The following RCL1 variants were observed in gnomAD, a reference collection of about 807,000 sequenced individuals.
RCL1 encodes RNA 3'-terminal phosphate cyclase-like protein.
RCL1 carries 24 observed loss-of-function variants against 42.4 expected under a neutral mutation model. That is an observed-to-expected ratio of 0.57 (90% CI 0.41 to 0.80). The LOEUF (loss-of-function observed/expected upper bound fraction) is 0.80. Ranked by LOEUF, RCL1 falls within the 30% of genes least tolerant of loss-of-function variation. The probability of loss-of-function intolerance (pLI) is 0.00; values close to 1 mark genes in which losing one functional copy is unlikely to be tolerated. For missense variants in RCL1, 578 were observed against 467.9 expected (o/e 1.24, Z -2.17); for synonymous variants, 228 against 177.3 (o/e 1.29, Z -2.27).
intron 7 of RCL1, among the ~76,000 whole-genome samples, chr9:4,847,006 C>G (rs547977200): frequency 8.8e-4 from 134 of 151,878 alleles, no homozygotes; most frequent in Non-Finnish European, 7.4e-5. Context: ...CTGCCTTAGC[C>G]TCCCATGTAG....
At chr9:4,851,883 C>CTTTTTTT (rs1374859963) in intron 8 of RCL1, among the ~76,000 whole-genome samples, 2 of 29,720 alleles carry the variant, frequency 6.7e-5, no homozygotes, top group African/African-American at 1.4e-4. Context: ...ATGTGTGAAA[C>CTTTTTTT]TCTTTTTTTT....
intron 1 of RCL1, among the ~76,000 whole-genome samples, chr9:4,807,481 AT>A (rs1816016800): frequency 6.6e-6 from 1 of 151,914 alleles, no homozygotes; most frequent in Non-Finnish European, 1.5e-5. Context: ...CGTAATTTTT[AT>A]TTTCTTTGAA....
intron 1 of RCL1, among the ~76,000 whole-genome samples, chr9:4,808,726 A>C (rs1816066925): frequency 6.6e-6 from 1 of 152,226 alleles, no homozygotes; most frequent in Non-Finnish European, 1.5e-5. Flanking sequence ...GAAAGGCAGT[A>C]AAAGCAGCAT....
At chr9:4,808,317 A>T (rs1398698234) in intron 1 of RCL1, among the ~76,000 whole-genome samples, 5 of 150,966 alleles carry the variant, frequency 3.3e-5, no homozygotes, top group Non-Finnish European at 7.4e-5. Flanking sequence ...ATTTTTTATT[A>T]TTTTTTTTAA....
intron 1 of RCL1, among the ~76,000 whole-genome samples, chr9:4,797,057 G>T (rs889661110): frequency 6.6e-6 from 1 of 152,030 alleles, no homozygotes; most frequent in Admixed American, 6.6e-5. Flanking sequence ...AAGAGCTTGG[G>T]GTCAGTATTG....
intron 1 of RCL1, among the ~76,000 whole-genome samples, chr9:4,807,659 A>T (rs1391410022): frequency 7.2e-5 from 11 of 152,220 alleles, no homozygotes; most frequent in Admixed American, 2.0e-4. Flanking sequence ...AGCTGGGATT[A>T]CAGGCATGCA....
intron 3 of RCL1, among the ~76,000 whole-genome samples, chr9:4,829,883 G>C (rs755328144): frequency 2.0e-5 from 3 of 152,192 alleles, no homozygotes; most frequent in Non-Finnish European, 2.9e-5. Flanking sequence ...TAAGGTGTGA[G>C]CTTTCAGCTG....
chr9:4,797,519 T>G (rs1363720546), intron 1 of RCL1, among the ~76,000 whole-genome samples: 3 of 152,186 alleles, frequency 2.0e-5, no homozygotes, highest in Non-Finnish European at 4.4e-5. Flanking sequence ...GGAGACATTT[T>G]TGGTTGTCAC....
chr9:4,840,423 CAT>C (rs1199138434), intron 5 of RCL1, among the ~76,000 whole-genome samples: 2 of 152,120 alleles, frequency 1.3e-5, no homozygotes, highest in Non-Finnish European at 2.9e-5. Context: ...TTTTCTTTGA[CAT>C]GTGTGGTTGG....
In RCL1 at chr9:4,841,149, C is replaced by G; in HGVS notation, c.585-83C>G. 3.3e-6 allele frequency: 5 copies of G among 1,505,194 alleles called. No homozygotes were observed. In the South Asian group the frequency reaches 3.5e-5, roughly 10 times the overall value. The allele number at this position is 1,505,194 out of a possible 1,614,324, so 93.2% of individuals were successfully genotyped here. Reference sequence around the variant, plus strand: ...GAAGTCCCAGTTTGTTACTACAGTTCCACAAATACTTGCCAGCTTTATAAC... The same window carrying G: ...GAAGTCCCAGTTTGTTACTACAGTTGCACAAATACTTGCCAGCTTTATAAC... On this transcript the variant is annotated intron_variant, in intron 5 of 8. Coordinates refer to ENST00000381750, the MANE Select transcript of RCL1 (RefSeq NM_005772.5).
intron 1 of RCL1, among the ~76,000 whole-genome samples, chr9:4,808,900 G>A (rs1563831805): frequency 6.6e-6 from 1 of 152,068 alleles, no homozygotes; most frequent in Non-Finnish European, 1.5e-5. Context: ...TGTTTGTTTG[G>A]GGGAACAACT....
At position 4,801,718 on chromosome 9, in the gene RCL1, C is replaced by CTT. The variant is rs57255135; in HGVS notation, c.136+8508_136+8509dup. 3.2e-3 allele frequency among the ~76,000 whole-genome samples: 353 copies of CTT among 111,452 alleles called. 2 individuals carry two copies. The highest frequency in any genetic ancestry group is 0.01 in the African/African-American group (337 of 32,748). 73.1% of individuals were successfully genotyped at this position (111,452 alleles called of 152,430 possible). A position where few individuals can be genotyped will look rare whatever the true frequency, so the allele number is the denominator to read the frequency against. The stretch of plus-strand genomic sequence containing the variant: ...TAGGTGCGAGACTTGGGTTGCGATT[C>CTT]TTTTTTTTTTTTTTTTTTGCCTATG... On this transcript the variant is annotated intron_variant, in intron 1 of 8. Transcript: ENST00000381750.
At chr9:4,825,886 T>C (rs533342338) in intron 2 of RCL1, among the ~76,000 whole-genome samples, 156 of 151,620 alleles carry the variant, frequency 1.0e-3, no homozygotes, top group African/African-American at 3.7e-3. Flanking sequence ...AAGCTGAGCC[T>C]AGGAGTTTCA....
At chr9:4,855,191 A>G (rs185375042) in intron 8 of RCL1, among the ~76,000 whole-genome samples, 30 of 151,108 alleles carry the variant, frequency 2.0e-4, no homozygotes, top group African/African-American at 4.9e-4. Flanking sequence ...TGTCCCGGGG[A>G]AAAAAAAAGC....
chr9:4,826,808 C>T, intron 2 of RCL1, 50 bp from the exon 3 acceptor site: 1 of 1,502,734 alleles, frequency 6.7e-7, no homozygotes, highest in Non-Finnish European at 9.1e-7. Flanking sequence ...ACCTTTGTGA[C>T]ATTTTAGTTT....
chr9:4,823,634 G>A lies in RCL1; in HGVS notation c.208+15G>A, dbSNP rs368971210. The A allele has an allele frequency of 1.3e-5, 21 of 1,593,854 alleles. No homozygotes were observed. The highest frequency in any genetic ancestry group is 1.8e-5 in the Non-Finnish European group (21 of 1,167,184). ...AAACCAAACAGGTAAGCTCCTTTTA[G>A]ATTCCTAAAAGCACCTCCATGCACT... On this transcript the variant is annotated intron_variant, in intron 2 of 8. Transcript: ENST00000381750.
intron 8 of RCL1, among the ~76,000 whole-genome samples, chr9:4,854,245 C>T (rs893534330): frequency 3.5e-4 from 54 of 152,290 alleles, no homozygotes; most frequent in African/African-American, 1.2e-3. Flanking sequence ...TTCTCTGTTT[C>T]CTGCTGCCTC....
chr9:4,813,684 C>G (rs1384541224), intron 1 of RCL1, among the ~76,000 whole-genome samples: 18 of 152,206 alleles, frequency 1.2e-4, no homozygotes, highest in Non-Finnish European at 2.6e-4. Context: ...CATCCCATTA[C>G]TGGGTATATA....
chr9:4,849,496 C>T lies in RCL1; in HGVS notation c.917C>T (p.Thr306Ile). 1 of 1,613,744 alleles carries T rather than the reference C, an allele frequency of 6.2e-7. No homozygotes were observed. The highest frequency in any genetic ancestry group is 8.5e-7 in the Non-Finnish European group (1 of 1,179,928). Residue 306 changes from threonine to isoleucine, a missense_variant, in exon 8 of 9, where the codon ACC becomes ATC. By Grantham distance (89) the Thr-to-Ile change is moderately conservative. Transcript: ENST00000381750. ...TNQSLALLLM[T>I]LGQQDVSKVL... ...CAAAGCCTGGCGCTACTACTCATGA[C>T]CCTTGGACAGCAGGATGTTTCCAAA...
Sources: gnomAD v4.1 joint callset for allele counts (sites outside exome capture counted in the v4.1 genomes callset) on GRCh38, gnomAD v4.1.1 for gene constraint, MANE v1.5 for transcripts, NCBI Gene and HGNC (gene_info 2026-07-23, HGNC 2026-07-21) for gene names.